The following RNF212B variants were observed in gnomAD, a reference collection of about 807,000 sequenced individuals.
RNF212B encodes E3 ubiquitin-protein ligase RNF212B.
Under a neutral mutation model 55.5 loss-of-function variants are expected in RNF212B, and 52 were observed. The ratio of observed to expected loss-of-function variants is 0.94; its 90% CI spans 0.75 to 1.18. The LOEUF is 1.18. RNF212B is among the 50% of genes most tolerant of loss of function. The pLI is 0.00. For missense variants in RNF212B, 289 were observed against 350.4 expected (o/e 0.82, Z 1.40); for synonymous variants, 99 against 121.4 (o/e 0.82, Z 1.21).
In RNF212B at chr14:23,264,202, T is replaced by C; in HGVS notation, c.553T>C (p.Tyr185His). The change falls in exon 10 of 15, where the codon TAT (tyrosine) becomes CAT (histidine). Residue 185 changes from tyrosine (Y) to histidine (H), a missense_variant. Physicochemically the swap from Tyr to His is moderately conservative, Grantham distance 83. Transcript: ENST00000430154. ...GTCCTCCTCAGCGGAATCTATTCCT[T>C]ATAGAGAGGCTGGCTTTGGTAGCTT... ...SRSSSAESIP[Y>H]REAGFGSLGQ... 6.5e-7 allele frequency: 1 copy of C among 1,550,386 alleles called. No individual in the cohort carries two copies. Among genetic ancestry groups the C allele is most frequent in the Non-Finnish European group, 8.7e-7 (1 of 1,146,668 alleles).
chr14:23,209,344 A>C (rs1880249380), intron 2 of RNF212B, among the ~76,000 whole-genome samples: 1 of 152,152 alleles, frequency 6.6e-6, no homozygotes, highest in Non-Finnish European at 1.5e-5. Context: ...GTGACTTAGA[A>C]TGCCTTAACC....
intron 1 of RNF212B, among the ~76,000 whole-genome samples, chr14:23,238,740 TAA>T (rs1823150747): frequency 1.4e-5 from 1 of 70,852 alleles, no homozygotes; most frequent in Admixed American, 1.2e-4. Context: ...TGTCTCAAAA[TAA>T]TAATAATAAT....
At chr14:23,232,792 G>C (rs184247489) in intron 2 of RNF212B, among the ~76,000 whole-genome samples, 2,583 of 148,228 alleles carry the variant, frequency 0.017, 168 homozygotes, top group Admixed American at 0.11. Context: ...GGTGGGGGGG[G>C]GGTCAGCCTC....
intron 1 of RNF212B, among the ~76,000 whole-genome samples, chr14:23,238,748 A>G (rs927216608): frequency 7.6e-6 from 1 of 131,692 alleles, no homozygotes; most frequent in Admixed American, 7.6e-5. Context: ...AATAATAATA[A>G]TAATAATAAT....
chr14:23,257,018 T>A (rs1024884870), intron 4 of RNF212B, among the ~76,000 whole-genome samples: 1 of 151,974 alleles, frequency 6.6e-6, no homozygotes, highest in African/African-American at 2.4e-5. Context: ...CCAGGCGTGG[T>A]GGCGGACGCC....
At chr14:23,228,840 C>T (rs1882274720) in intron 2 of RNF212B, among the ~76,000 whole-genome samples, 1 of 152,024 alleles carries the variant, frequency 6.6e-6, no homozygotes, top group Non-Finnish European at 1.5e-5. Context: ...ATGTATAGAA[C>T]ACTGATTTTC....
chr14:23,258,799 T>G, intron 5 of RNF212B, 135 bp downstream of exon 5: 1 of 445,986 alleles, frequency 2.2e-6, no homozygotes, highest in Non-Finnish European at 3.9e-6. Context: ...AGGTACAGAA[T>G]TTTTGATCCC....
rs983667219 is a variant in RNF212B at position 23,258,683 on chromosome 14, C to A, written c.344+19C>A. The A allele has an allele frequency of 3.5e-6, 4 of 1,138,454 alleles. No homozygotes were observed. Among genetic ancestry groups the A allele is most frequent in the Admixed American group, 3.1e-5 (1 of 32,334 alleles). 70.5% of individuals were successfully genotyped at this position (1,138,454 alleles called of 1,614,324 possible). A position where few individuals can be genotyped will look rare whatever the true frequency, so the allele number is the denominator to read the frequency against. ...AGGACAAGTAAGTAACAAATCAAGT[C>A]CCAAGAGAGCTTTTTTTTTTTTTTT... On this transcript the variant is annotated intron_variant, in intron 5 of 14. Transcript: ENST00000430154.
Position 23,218,945 on chromosome 14 carries a change from C to T in RNF212B, c.-1-21400C>T, listed in dbSNP as rs116871688. Among the ~76,000 whole-genome samples, 17 of 151,988 alleles carry T rather than the reference C, an allele frequency of 1.1e-4. No individual in the cohort carries two copies. The East Asian group carries it at 2.1e-3, about 19-fold the overall frequency. Reference sequence around the variant, plus strand: ...ATTAAAAAAAAGGATTCTAAAAGTACGAGGAGAAAAGAAACAAATAACAAA... The same window carrying T: ...ATTAAAAAAAAGGATTCTAAAAGTATGAGGAGAAAAGAAACAAATAACAAA... On this transcript the variant is annotated intron_variant, in intron 2 of 15. Transcript: ENST00000399910.
chr14:23,194,051 AG>A (rs1878391413), intron 2 of RNF212B, among the ~76,000 whole-genome samples: 1 of 152,178 alleles, frequency 6.6e-6, no homozygotes, highest in African/African-American at 2.4e-5. Flanking sequence ...CATGTTGGCC[AG>A]GCTGGTCTGG....
intron 3 of RNF212B, among the ~76,000 whole-genome samples, chr14:23,244,011 A>C (rs762663055): frequency 6.6e-6 from 1 of 151,700 alleles, no homozygotes; most frequent in Non-Finnish European, 1.5e-5. Flanking sequence ...CCAAAAGGCG[A>C]GGGTTGCAAT....
chr14:23,207,567 T>A (rs140018310), intron 2 of RNF212B, among the ~76,000 whole-genome samples: 105 of 152,318 alleles, frequency 6.9e-4, no homozygotes, highest in Non-Finnish European at 1.3e-3. Flanking sequence ...CTCAGCAAAT[T>A]GTCCTATTAG....
intron 2 of RNF212B, among the ~76,000 whole-genome samples, chr14:23,213,843 C>G (rs961224954): frequency 3.9e-5 from 6 of 152,168 alleles, no homozygotes; most frequent in Non-Finnish European, 7.3e-5. Context: ...TCAAAAAGCA[C>G]TCATCATACA....
chr14:23,233,119 GCT>G (rs1179620093), upstream of RNF212B, among the ~76,000 whole-genome samples: 3 of 152,176 alleles, frequency 2.0e-5, no homozygotes, highest in African/African-American at 7.2e-5. Flanking sequence ...CCAACTCTGT[GCT>G]CTCTGAAACA....
intron 2 of RNF212B, among the ~76,000 whole-genome samples, chr14:23,216,968 A>G (rs193230953): frequency 1.3e-5 from 2 of 151,894 alleles, no homozygotes; most frequent in Non-Finnish European, 2.9e-5. Context: ...TGATAAAATT[A>G]TAGAACTGGA....
intron 2 of RNF212B, among the ~76,000 whole-genome samples, chr14:23,226,310 A>T (rs550600202): frequency 1.3e-4 from 19 of 144,946 alleles, no homozygotes; most frequent in African/African-American, 4.8e-4. Flanking sequence ...AAAAAAAAAA[A>T]AAAAAATTAA....
chr14:23,232,708 C>G (rs1375482063), intron 2 of RNF212B, among the ~76,000 whole-genome samples: 2 of 149,892 alleles, frequency 1.3e-5, no homozygotes, highest in Non-Finnish European at 3.0e-5. Context: ...AGCCCCCGCC[C>G]GGCCAGCCGC....
chr14:23,204,608 C>T (rs182598046), intron 2 of RNF212B, among the ~76,000 whole-genome samples: 2 of 152,158 alleles, frequency 1.3e-5, no homozygotes, highest in Non-Finnish European at 2.9e-5. Context: ...CAGTACCATG[C>T]TGTTTTGGTG....
chr14:23,187,275 C>G (rs1877690163), intron 1 of RNF212B, among the ~76,000 whole-genome samples: 1 of 152,134 alleles, frequency 6.6e-6, no homozygotes, highest in African/African-American at 2.4e-5. Context: ...AAGGTTATGG[C>G]TTGGGACATG....
Sources: allele counts gnomAD v4.1 joint callset (sites outside exome capture counted in the v4.1 genomes callset), GRCh38; gene constraint gnomAD v4.1.1; transcripts MANE v1.5; gene names NCBI Gene and HGNC (gene_info 2026-07-23, HGNC 2026-07-21).